CADPS: variants seen among roughly 807,000 people sequenced by gnomAD.
The protein encoded by CADPS is calcium dependent secretion activator, also known as calcium-dependent secretion activator 1.
In CADPS, 57 loss-of-function variants were observed where a neutral mutation model predicts 167.3. The observed-to-expected ratio is 0.34, with a 90% CI of 0.28 to 0.42. CADPS has a LOEUF of 0.42. CADPS is among the 20% of genes least tolerant of loss of function. The pLI is 1.00. For missense variants in CADPS, 1,414 were observed against 1,738.1 expected (o/e 0.81, Z 3.32); for synonymous variants, 676 against 635.3 (o/e 1.06, Z -0.96).
intron 3 of CADPS, among the ~76,000 whole-genome samples, chr3:62,669,081 G>A (rs1248963433): frequency 6.6e-6 from 1 of 152,170 alleles, no homozygotes; most frequent in Non-Finnish European, 1.5e-5. Flanking sequence ...GGGAATTGGG[G>A]ATGGAGACAG....
rs557723168 is a variant in CADPS, at chr3:62,516,254, G to T, written c.2458-72C>A. ...TGTCACTCATCCATACTTCTTAGAA[G>T]CGTGAAAGTTTAAAATCAGTTCTTT... is the stretch of plus-strand genomic sequence containing the variant. On this transcript the variant is annotated intron_variant, in intron 15 of 29. Transcript: ENST00000383710. 6.0e-5 allele frequency: 94 copies of T among 1,559,308 alleles called. 2 individuals are homozygous for T. The South Asian group carries it at 1.0e-3, about 17-fold the overall frequency.
intron 6 of CADPS, among the ~76,000 whole-genome samples, chr3:62,609,231 T>TC (rs563205908): frequency 0.36 from 54,443 of 151,210 alleles, 10,321 homozygotes; most frequent in Admixed American, 0.42. Flanking sequence ...TTTTTTTTTT[T>TC]CTTTTTTGTG....
chr3:62,622,324 G>T (rs927224584), intron 6 of CADPS, among the ~76,000 whole-genome samples: 2 of 152,248 alleles, frequency 1.3e-5, no homozygotes, highest in East Asian at 3.9e-4. Context: ...GGGGCTTGGT[G>T]CTGGGGATTC....
chr3:62,730,754 T>C (rs919184668), intron 3 of CADPS, among the ~76,000 whole-genome samples: 1 of 152,224 alleles, frequency 6.6e-6, no homozygotes, highest in Non-Finnish European at 1.5e-5. Context: ...CTTTTGCCAA[T>C]GAGTTGCATA....
intron 10 of CADPS, chr3:62,550,880 T>C (rs1421769934): frequency 1.1e-5 from 5 of 456,644 alleles, no homozygotes; most frequent in African/African-American, 6.0e-5. Context: ...CTCTTCAAGA[T>C]GCTTTCTTTA....
chr3:62,845,305 T>C (rs764033778), intron 1 of CADPS, among the ~76,000 whole-genome samples: 1 of 152,158 alleles, frequency 6.6e-6, no homozygotes, highest in Non-Finnish European at 1.5e-5. Context: ...TTTCCCCAGA[T>C]AGAAGTGTTA....
chr3:62,557,669 T>G (rs1419174798), intron 9 of CADPS, among the ~76,000 whole-genome samples, 156 bp from the exon 10 acceptor site: 1 of 152,218 alleles, frequency 6.6e-6, no homozygotes, highest in African/African-American at 2.4e-5. Flanking sequence ...GCATGTTACT[T>G]AACCTCTCTG....
chr3:62,608,375 C>T (rs576485059), intron 6 of CADPS, among the ~76,000 whole-genome samples: 10 of 151,932 alleles, frequency 6.6e-5, no homozygotes, highest in Non-Finnish European at 1.3e-4. Flanking sequence ...CTCCACCTCC[C>T]GGGCTCACGT....
At chr3:62,797,419 A>G (rs2093493195) in intron 1 of CADPS, among the ~76,000 whole-genome samples, 2 of 152,100 alleles carry the variant, frequency 1.3e-5, no homozygotes, top group Non-Finnish European at 1.5e-5. Flanking sequence ...GAATTATCCA[A>G]TCAACTCTCA....
At chr3:62,467,844 T>C (rs1227939698) in intron 24 of CADPS, among the ~76,000 whole-genome samples, 1 of 152,146 alleles carries the variant, frequency 6.6e-6, no homozygotes, top group Non-Finnish European at 1.5e-5. Flanking sequence ...AGTCTCTGTT[T>C]GGGAGATCAA....
chr3:62,504,226 AAG>A (rs1459607033), intron 17 of CADPS, among the ~76,000 whole-genome samples: 1 of 152,208 alleles, frequency 6.6e-6, no homozygotes, highest in African/African-American at 2.4e-5. Flanking sequence ...TAGAATTTGG[AAG>A]ACTCAGTTTT....
At chr3:62,553,367 A>C (rs2077612921) in intron 10 of CADPS, among the ~76,000 whole-genome samples, 1 of 152,216 alleles carries the variant, frequency 6.6e-6, no homozygotes, top group South Asian at 2.1e-4. Context: ...CTTATGATGT[A>C]AGTACTATTA....
At chr3:62,469,664 C>T (rs185007713) in intron 24 of CADPS, 3 of 174,294 alleles carry the variant, frequency 1.7e-5, no homozygotes, top group African/African-American at 4.8e-5. Flanking sequence ...TGCGCCACCA[C>T]GCCCAGCTCA....
chr3:62,610,149 C>A (rs1257498812), intron 6 of CADPS, among the ~76,000 whole-genome samples: 1 of 151,970 alleles, frequency 6.6e-6, no homozygotes, highest in Non-Finnish European at 1.5e-5. Context: ...AAACAAAAAA[C>A]CCCAAGTGGT....
At chr3:62,780,835 T>C (rs1161117934) in intron 1 of CADPS, among the ~76,000 whole-genome samples, 1 of 152,210 alleles carries the variant, frequency 6.6e-6, no homozygotes, top group Non-Finnish European at 1.5e-5. Context: ...ATCAGTTAAA[T>C]AAATCTTTGA....
At chr3:62,820,684 A>T (rs1282118187) in intron 1 of CADPS, among the ~76,000 whole-genome samples, 2 of 152,094 alleles carry the variant, frequency 1.3e-5, no homozygotes, top group Non-Finnish European at 2.9e-5. Context: ...TGCAGCTGGC[A>T]CTTTTCAGCT....
At chr3:62,805,404 C>T (rs1239068945) in intron 1 of CADPS, among the ~76,000 whole-genome samples, 1 of 152,154 alleles carries the variant, frequency 6.6e-6, no homozygotes, top group African/African-American at 2.4e-5. Flanking sequence ...TGCCTTTGAT[C>T]ACTCCATTAG....
intron 6 of CADPS, among the ~76,000 whole-genome samples, chr3:62,632,167 C>T (rs1331025871): frequency 1.3e-5 from 2 of 152,238 alleles, no homozygotes; most frequent in East Asian, 1.9e-4. Context: ...CTATCATATG[C>T]ATATATCTCT....
chr3:62,596,088 TACACACACACACACACACACACAC>T (rs56780830), intron 6 of CADPS, among the ~76,000 whole-genome samples: 108 of 135,970 alleles, frequency 7.9e-4, no homozygotes, highest in South Asian at 5.5e-3. Context: ...TATATATGTA[TACACACACACACACACACACACAC>T]ACACACACAC....
Sources: gnomAD v4.1 joint callset for allele counts (sites outside exome capture counted in the v4.1 genomes callset) on GRCh38, gnomAD v4.1.1 for gene constraint, MANE v1.5 for transcripts, NCBI Gene and HGNC (gene_info 2026-07-23, HGNC 2026-07-21) for gene names.